The following RIMS1 variants were observed in gnomAD, a reference collection of about 807,000 sequenced individuals.
RIMS1 encodes regulating synaptic membrane exocytosis protein 1.
RIMS1 carries 83 observed loss-of-function variants against 214.1 expected under a neutral mutation model. That is an observed-to-expected ratio of 0.39 (90% CI 0.32 to 0.47). The LOEUF (loss-of-function observed/expected upper bound fraction) is 0.47. Among genes scored for constraint, RIMS1 ranks in the 20% least tolerant of loss-of-function variants. The pLI, the probability that RIMS1 is intolerant of heterozygous loss-of-function variation, is 0.99. For synonymous variants in RIMS1, 793 were observed against 786.8 expected (o/e 1.01, Z -0.13); for missense variants, 2,050 against 2,161.8 (o/e 0.95, Z 1.03).
chr6:72,039,606 C>T (rs1351419757), intron 2 of RIMS1, among the ~76,000 whole-genome samples: 1 of 152,034 alleles, frequency 6.6e-6, no homozygotes, highest in African/African-American at 2.4e-5. Flanking sequence ...CCTCTGCCTC[C>T]CAAGCACCAA....
chr6:72,262,286 T>G, intron 19 of RIMS1: 1 of 877,904 alleles, frequency 1.1e-6, no homozygotes, highest in Non-Finnish European at 1.4e-6. Flanking sequence ...GGTGCTTTGC[T>G]AATAATTCTG....
At position 72,261,247 on chromosome 6, in the gene RIMS1, C is replaced by A. The variant is rs138345585; in HGVS notation, c.3116+480C>A. On this transcript the variant is annotated intron_variant, in intron 19 of 33. Transcript: ENST00000521978. ...TGTTTGCTTTTGATAAAATCTTTAA[C>A]AGTTCACTTTTAATGGCTGAGCTTC... 18 of 1,005,542 alleles carry A rather than the reference C, an allele frequency of 1.8e-5. No homozygotes were observed. In the African/African-American group the frequency reaches 2.8e-4, roughly 16 times the overall value. 62.3% of individuals were successfully genotyped at this position (1,005,542 alleles called of 1,614,324 possible). A position where few individuals can be genotyped will look rare whatever the true frequency, so the allele number is the denominator to read the frequency against.
intron 4 of RIMS1, among the ~76,000 whole-genome samples, chr6:72,119,734 A>G (rs1358591304): frequency 6.6e-6 from 1 of 151,658 alleles, no homozygotes; most frequent in African/African-American, 2.4e-5. Flanking sequence ...TACATGTACC[A>G]TGTTGGTGTG....
intron 4 of RIMS1, among the ~76,000 whole-genome samples, chr6:72,118,503 C>G (rs1226492151): frequency 6.6e-6 from 1 of 151,406 alleles, no homozygotes; most frequent in Non-Finnish European, 1.5e-5. Flanking sequence ...ATACAAAAAC[C>G]AGGAAAGGAC....
At chr6:71,967,709 T>G (rs1681105776) in intron 1 of RIMS1, among the ~76,000 whole-genome samples, 1 of 152,208 alleles carries the variant, frequency 6.6e-6, no homozygotes, top group African/African-American at 2.4e-5. Context: ...TGAACACCAC[T>G]TTTTAAAACT....
chr6:72,233,583 G>A (rs913551582), intron 6 of RIMS1, among the ~76,000 whole-genome samples, 190 bp from the exon 7 acceptor site: 6 of 151,370 alleles, frequency 4.0e-5, no homozygotes, highest in African/African-American at 1.5e-4. Context: ...TGTATGAAGT[G>A]CATTTGTAGC....
chr6:72,024,494 A>C (rs182916657), intron 2 of RIMS1, among the ~76,000 whole-genome samples: 2 of 152,290 alleles, frequency 1.3e-5, no homozygotes, highest in Admixed American at 1.3e-4. Context: ...CAAGGCACTC[A>C]AATAATATTT....
intron 2 of RIMS1, among the ~76,000 whole-genome samples, chr6:72,045,659 T>C (rs945803861): frequency 1.3e-5 from 2 of 152,018 alleles, no homozygotes; most frequent in Non-Finnish European, 2.9e-5. Context: ...CACAGATGCA[T>C]AGGACATCGT....
chr6:72,351,572 A>T (rs1323483146), intron 29 of RIMS1, among the ~76,000 whole-genome samples: 2 of 152,192 alleles, frequency 1.3e-5, no homozygotes, highest in Middle Eastern at 3.2e-3. Flanking sequence ...TTCAAGGAAA[A>T]CACAGAAGCT....
intron 2 of RIMS1, among the ~76,000 whole-genome samples, chr6:72,072,924 C>A (rs1001132927): frequency 6.6e-6 from 1 of 152,144 alleles, no homozygotes; most frequent in Non-Finnish European, 1.5e-5. Flanking sequence ...ATAGACAGAG[C>A]CCTCATGCAG....
chr6:72,388,727 A>G (rs369917752), intron 29 of RIMS1, among the ~76,000 whole-genome samples: 2 of 152,120 alleles, frequency 1.3e-5, no homozygotes, highest in African/African-American at 4.8e-5. Context: ...TCGCTGATGG[A>G]TTGGGTGTGG....
chr6:72,106,322 G>T (rs560292566), intron 4 of RIMS1, among the ~76,000 whole-genome samples: 1 of 152,268 alleles, frequency 6.6e-6, no homozygotes, highest in South Asian at 2.1e-4. Context: ...CCAATAAAGT[G>T]CTGTTACAGC....
At chr6:72,063,172 G>C (rs917874447) in intron 2 of RIMS1, among the ~76,000 whole-genome samples, 1 of 152,056 alleles carries the variant, frequency 6.6e-6, no homozygotes, top group African/African-American at 2.4e-5. Context: ...ACACTAAAAG[G>C]GACAAAGGAG....
At chr6:72,196,567 G>A (rs903527311) in intron 6 of RIMS1, among the ~76,000 whole-genome samples, 1 of 67,066 alleles carries the variant, frequency 1.5e-5, no homozygotes, top group African/African-American at 8.2e-5. Context: ...TACTGTGCTG[G>A]CAGCCAGCTG....
intron 4 of RIMS1, among the ~76,000 whole-genome samples, chr6:72,164,035 C>T (rs1197128797): frequency 1.3e-5 from 2 of 152,154 alleles, no homozygotes; most frequent in Non-Finnish European, 2.9e-5. Flanking sequence ...GTGGTGGGCT[C>T]CACCCAGTTC....
chr6:72,366,879 T>A (rs1329886856), intron 29 of RIMS1: 1 of 979,476 alleles, frequency 1.0e-6, no homozygotes, highest in African/African-American at 1.7e-5. Context: ...AAGTCTATGT[T>A]CCTTATATGT....
chr6:72,123,027 G>GT (rs1420794648), intron 4 of RIMS1, among the ~76,000 whole-genome samples: 1 of 151,478 alleles, frequency 6.6e-6, no homozygotes, highest in Non-Finnish European at 1.5e-5. Flanking sequence ...TTTGAATTTG[G>GT]TTGCTCTTGC....
chr6:72,160,414 C>T (rs1213488418), intron 4 of RIMS1, among the ~76,000 whole-genome samples: 1 of 139,632 alleles, frequency 7.2e-6, no homozygotes, highest in African/African-American at 2.5e-5. Flanking sequence ...GAACTTCCAA[C>T]ACTATGTTGA....
intron 9 of RIMS1, among the ~76,000 whole-genome samples, chr6:72,238,896 C>A (rs2065451632): frequency 6.6e-6 from 1 of 152,038 alleles, no homozygotes; most frequent in South Asian, 2.1e-4. Flanking sequence ...GATATCAGTT[C>A]AAAATCATTT....
Sources: gnomAD v4.1 joint callset for allele counts (sites outside exome capture counted in the v4.1 genomes callset) on GRCh38, gnomAD v4.1.1 for gene constraint, MANE v1.5 for transcripts, NCBI Gene and HGNC (gene_info 2026-07-23, HGNC 2026-07-21) for gene names.